GABRA4: variants seen among roughly 807,000 people sequenced by gnomAD.
GABRA4 encodes the protein gamma-aminobutyric acid receptor subunit alpha-4.
A neutral mutation model predicts 49.7 loss-of-function variants in GABRA4; 12 were observed. That is an observed-to-expected ratio of 0.24 (90% CI 0.15 to 0.39). GABRA4 has a LOEUF of 0.39. GABRA4 is among the 10% of genes least tolerant of loss of function. The pLI is 1.00. For missense variants in GABRA4, 506 were observed against 686.0 expected (o/e 0.74, Z 2.93); for synonymous variants, 288 against 240.2 (o/e 1.20, Z -1.84).
chr4:46,964,177 C>A (rs1281491225), intron 8 of GABRA4, among the ~76,000 whole-genome samples: 5 of 151,924 alleles, frequency 3.3e-5, no homozygotes, highest in East Asian at 1.9e-4. Flanking sequence ...ATAAACCTTG[C>A]ATGTTCTCAC....
chr4:46,928,097 T>A lies in GABRA4; in HGVS notation c.*128A>T, dbSNP rs1234943557. On this transcript the variant is annotated 3_prime_UTR_variant, in exon 9 of 9. Coordinates refer to ENST00000264318, the MANE Select transcript of GABRA4 (RefSeq NM_000809.4). ...TAATTAACTCTCCCAATAACTGGCT[T>A]ATATCTTTAAATGGAAAAATTACAC... 1 of 809,730 alleles carries A rather than the reference T, an allele frequency of 1.2e-6. No individual in the cohort carries two copies. The highest frequency in any genetic ancestry group is 3.2e-5 in the Admixed American group (1 of 31,690). The allele number at this position is 809,730 out of a possible 1,614,324, so 50.2% of individuals were successfully genotyped here.
At chr4:46,992,428 G>T (rs891459298) in intron 2 of GABRA4, among the ~76,000 whole-genome samples, 17 of 152,218 alleles carry the variant, frequency 1.1e-4, no homozygotes, top group Non-Finnish European at 5.9e-5. Context: ...TGGACACGTG[G>T]GAGGATGAGG....
At chr4:46,976,481 C>T (rs1163534799) in intron 5 of GABRA4, among the ~76,000 whole-genome samples, 1 of 150,496 alleles carries the variant, frequency 6.6e-6, no homozygotes, top group Non-Finnish European at 1.5e-5. Flanking sequence ...CCTTAATGTG[C>T]TGTATAAGGC....
chr4:46,922,634 G>A lies in GABRA4; in HGVS notation c.*5591C>T, dbSNP rs1721077316. The stretch of plus-strand genomic sequence containing the variant: ...AGCTCAAAGAAGATATTTCAATAAA[G>A]CAATGGTAAAAATAGAGAAAGAGAA... On this transcript the variant is annotated 3_prime_UTR_variant, in exon 9 of 9. Coordinates refer to ENST00000264318, the MANE Select transcript of GABRA4 (RefSeq NM_000809.4). 1 of 152,010 alleles carries A rather than the reference G, an allele frequency of 6.6e-6. No homozygotes were observed. The highest frequency in any genetic ancestry group is 1.5e-5 in the Non-Finnish European group (1 of 67,990). 9.4% of individuals were successfully genotyped at this position (152,010 alleles called of 1,614,324 possible).
intron 8 of GABRA4, among the ~76,000 whole-genome samples, chr4:46,929,054 C>T (rs1447002072): frequency 6.6e-6 from 1 of 151,938 alleles, no homozygotes; most frequent in African/African-American, 2.4e-5. Context: ...TGAGGTCATG[C>T]TTAATTGCAT....
rs1476672775 is a variant in GABRA4 at position 46,979,118 on chromosome 4, T to A, written c.206-20A>T. The stretch of plus-strand genomic sequence containing the variant: ...CAGGACCTAACGGGTATGAAGTAAA[T>A]AAGTGTGAAAAAATAATTACCAATT... On this transcript the variant is annotated intron_variant, in intron 2 of 8. Coordinates refer to ENST00000264318, the MANE Select transcript of GABRA4 (RefSeq NM_000809.4). 9.9e-6 allele frequency: 15 copies of A among 1,518,946 alleles called. No individual in the cohort carries two copies. In the East Asian group the frequency reaches 3.2e-4, roughly 32 times the overall value. 94.1% of individuals were successfully genotyped at this position (1,518,946 alleles called of 1,614,324 possible).
At chr4:46,992,666 G>T in intron 2 of GABRA4, 162 bp downstream of exon 2, 2 of 624,904 alleles carry the variant, frequency 3.2e-6, no homozygotes, top group Non-Finnish European at 2.9e-6. Flanking sequence ...GGGTGGAGGC[G>T]GTCTTCTTGT....
intron 8 of GABRA4, among the ~76,000 whole-genome samples, chr4:46,943,731 G>T (rs200822983): frequency 6.6e-6 from 1 of 152,062 alleles, no homozygotes; most frequent in East Asian, 1.9e-4. Flanking sequence ...CTCCACATAG[G>T]CTGGTAACTT....
intron 2 of GABRA4, among the ~76,000 whole-genome samples, chr4:46,984,924 T>A (rs960032841): frequency 6.6e-6 from 1 of 152,030 alleles, no homozygotes; most frequent in African/African-American, 2.4e-5. Context: ...AGAAAATCCA[T>A]TTCTTGATAT....
At chr4:46,944,948 G>A (rs1468176298) in intron 8 of GABRA4, among the ~76,000 whole-genome samples, 1 of 152,050 alleles carries the variant, frequency 6.6e-6, no homozygotes, top group Non-Finnish European at 1.5e-5. Context: ...AGTATTCAAT[G>A]AAAGTAAGTC....
At chr4:46,932,277 T>C (rs1295863393) in intron 8 of GABRA4, among the ~76,000 whole-genome samples, 2 of 152,146 alleles carry the variant, frequency 1.3e-5, no homozygotes, top group African/African-American at 2.4e-5. Flanking sequence ...GTGATCAACT[T>C]ATTCCATTAC....
chr4:46,989,750 A>G (rs1436078230), intron 2 of GABRA4, among the ~76,000 whole-genome samples: 1 of 152,268 alleles, frequency 6.6e-6, no homozygotes, highest in Admixed American at 6.5e-5. Flanking sequence ...ATAAACAGAT[A>G]TAAAGTAAAT....
chr4:46,941,830 T>C (rs886949522), intron 8 of GABRA4, among the ~76,000 whole-genome samples: 2 of 152,110 alleles, frequency 1.3e-5, no homozygotes, highest in Admixed American at 1.3e-4. Flanking sequence ...TGTAAAGAGA[T>C]GATTAAGAGC....
intron 8 of GABRA4, among the ~76,000 whole-genome samples, chr4:46,953,922 A>T (rs1257100576): frequency 6.6e-6 from 1 of 152,082 alleles, no homozygotes; most frequent in Admixed American, 6.6e-5. Flanking sequence ...GTGAACCTAC[A>T]CTTTGGATCT....
chr4:46,993,437 C>T lies in GABRA4; in HGVS notation c.-13G>A. 1 of 1,613,772 alleles carries T rather than the reference C, an allele frequency of 6.2e-7. No individual in the cohort carries two copies. The highest frequency in any genetic ancestry group is 8.5e-7 in the Non-Finnish European group (1 of 1,179,674). Reference sequence around the variant, plus strand: ...TGGCAGAAACCATCTTTGCAACATGCCATACTTCAAGCCTGTTCACGTTTC... The same window carrying T: ...TGGCAGAAACCATCTTTGCAACATGTCATACTTCAAGCCTGTTCACGTTTC... On this transcript the variant is annotated 5_prime_UTR_variant, in exon 1 of 9. Transcript: ENST00000264318.
At chr4:46,931,899 G>A (rs1721449904) in intron 8 of GABRA4, among the ~76,000 whole-genome samples, 1 of 152,166 alleles carries the variant, frequency 6.6e-6, no homozygotes, top group Non-Finnish European at 1.5e-5. Flanking sequence ...AAAATGAGCT[G>A]CCCGAGCAAG....
At chr4:46,974,087 T>C (rs1560479302) in intron 6 of GABRA4, 145 bp downstream of exon 6, 4 of 541,924 alleles carry the variant, frequency 7.4e-6, no homozygotes, top group Non-Finnish European at 1.2e-5. Context: ...AAAGAAATTA[T>C]GAGCTATAAC....
At position 46,920,871 on chromosome 4, in the gene GABRA4, C is replaced by T. The variant is rs981558987; in HGVS notation, c.*7354G>A. The T allele has an allele frequency of 1.3e-5, 2 of 151,686 alleles. No individual in the cohort carries two copies. The highest frequency in any genetic ancestry group is 1.9e-4 in the East Asian group (1 of 5,186). 9.4% of individuals were successfully genotyped at this position (151,686 alleles called of 1,614,324 possible). On this transcript the variant is annotated 3_prime_UTR_variant, in exon 9 of 9. Coordinates refer to ENST00000264318, the MANE Select transcript of GABRA4 (RefSeq NM_000809.4). ...TAATATAGAATATATTTAATTTATC[C>T]TTTACTACTTGTGTAACATAATCAA...
In GABRA4 at chr4:46,992,862, A is replaced by G. The variant is rs1723812088; in HGVS notation, c.171T>C (p.Asp57=). Residue 57 remains aspartate (D), a synonymous_variant, in exon 2 of 9, where the codon GAT becomes GAC. Coordinates refer to ENST00000264318, the MANE Select transcript of GABRA4 (RefSeq NM_000809.4). ...NFTRILDSLL[D]GYDNRLRPGF... is the part of the protein sequence containing the mutation. ...CAGGACGCAGCCTGTTGTCATAACC[A>G]TCGAGCAAACTGTCCAGGATGCGGG... 6.2e-7 allele frequency: 1 copy of G among 1,613,740 alleles called. No individual in the cohort carries two copies. Among genetic ancestry groups the G allele is most frequent in the East Asian group, 2.2e-5 (1 of 44,850 alleles).
Sources: gnomAD v4.1 joint callset for allele counts (sites outside exome capture counted in the v4.1 genomes callset) on GRCh38, gnomAD v4.1.1 for gene constraint, MANE v1.5 for transcripts, NCBI Gene and HGNC (gene_info 2026-07-23, HGNC 2026-07-21) for gene names.